Variants in MARK1 observed in about 807,000 individuals in gnomAD.
The protein encoded by MARK1 is serine/threonine-protein kinase MARK1.
MARK1 carries 40 observed loss-of-function variants against 96.3 expected under a neutral mutation model. The observed-to-expected ratio is 0.42, with a 90% confidence interval of 0.32 to 0.54. The LOEUF is 0.54. Among genes scored for constraint, MARK1 ranks in the 20% least tolerant of loss-of-function variants. The pLI is 0.16. For synonymous variants in MARK1, 317 were observed against 341.2 expected, an observed-to-expected ratio of 0.93 and a Z score of 0.78; for missense variants, 719 against 984.6, an observed-to-expected ratio of 0.73 and a Z score of 3.61.
intron 4 of MARK1, among the ~76,000 whole-genome samples, chr1:220,599,078 A>G (rs1042577355): frequency 2.0e-5 from 3 of 152,182 alleles, no homozygotes; most frequent in African/African-American, 4.8e-5. Context: ...GTTTGATCAT[A>G]GGTTTACAGG....
intron 1 of MARK1, among the ~76,000 whole-genome samples, chr1:220,553,704 C>T (rs1662038934): frequency 6.6e-6 from 1 of 152,130 alleles, no homozygotes; most frequent in Non-Finnish European, 1.5e-5. Flanking sequence ...TCAGTGTTTA[C>T]TAGAGTTCGG....
At chr1:220,634,483 A>G (rs1667840515) in intron 11 of MARK1, among the ~76,000 whole-genome samples, 2 of 152,220 alleles carry the variant, frequency 1.3e-5, no homozygotes, top group Non-Finnish European at 2.9e-5. Flanking sequence ...AATGAGGGCA[A>G]TAATGTGCTT....
At chr1:220,560,150 C>T (rs918224816) in intron 1 of MARK1, among the ~76,000 whole-genome samples, 11 of 152,092 alleles carry the variant, frequency 7.2e-5, no homozygotes, top group Non-Finnish European at 1.6e-4. Flanking sequence ...TATTCACTAC[C>T]ATGAGAACAG....
At chr1:220,627,428 G>A (rs543911037) in intron 9 of MARK1, 21 of 477,420 alleles carry the variant, frequency 4.4e-5, no homozygotes, top group African/African-American at 4.2e-4. Flanking sequence ...AGGGGTCAAG[G>A]AGGAGGTCAG....
chr1:220,568,490 G>A (rs1663216023), intron 1 of MARK1, among the ~76,000 whole-genome samples: 1 of 152,096 alleles, frequency 6.6e-6, no homozygotes, highest in Non-Finnish European at 1.5e-5. Flanking sequence ...AGGGCAGAAA[G>A]GTAATAGGGG....
intron 11 of MARK1, among the ~76,000 whole-genome samples, chr1:220,634,887 A>T (rs578095941): frequency 1.4e-4 from 21 of 152,174 alleles, no homozygotes; most frequent in Non-Finnish European, 2.6e-4. Context: ...GTATGTTTAT[A>T]TGCATACATA....
Position 220,542,559 on chromosome 1 carries a change from C to T in MARK1, c.51+13686C>T, listed in dbSNP as rs150327630. ...TGCTTCTGCTGGGAACCCCTACTGACGTGGGGCACTTTAGTCTCCTGTAGG... is the reference window on the plus strand; with the variant it reads ...TGCTTCTGCTGGGAACCCCTACTGATGTGGGGCACTTTAGTCTCCTGTAGG... On this transcript the variant is annotated intron_variant, in intron 1 of 17. Transcript: ENST00000366917. Among the ~76,000 whole-genome samples, 266 of 152,294 alleles carry T rather than the reference C, an allele frequency of 1.7e-3. 1 individual carries two copies. Among genetic ancestry groups the T allele is most frequent in the African/African-American group, 5.9e-3 (247 of 41,560 alleles).
At chr1:220,598,617 C>T (rs766428686) in intron 4 of MARK1, among the ~76,000 whole-genome samples, 4 of 151,692 alleles carry the variant, frequency 2.6e-5, no homozygotes, top group Admixed American at 6.6e-5. Flanking sequence ...CTTCTGCTCT[C>T]CACTAAAATA....
intron 15 of MARK1, 29 bp from the exon 16 acceptor site, chr1:220,653,072 G>T (rs780958098): frequency 6.2e-7 from 1 of 1,609,328 alleles, no homozygotes; most frequent in African/African-American, 1.3e-5. Context: ...TCATTATTCT[G>T]AATGATATAT....
At chr1:220,572,285 A>T (rs1015066573) in intron 1 of MARK1, among the ~76,000 whole-genome samples, 1 of 151,948 alleles carries the variant, frequency 6.6e-6, no homozygotes, top group Middle Eastern at 3.2e-3. Context: ...CTTTTTGCCC[A>T]GGCTGGAGTA....
chr1:220,642,261 G>A lies in MARK1; in HGVS notation c.1470+6235G>A, dbSNP rs113672568. ...CAAGTTCCCAGCGTTGGGGGCAACCGCCATTACTGCAGCTCTAGTCAGTGA... is the reference window on the plus strand; with the variant it reads ...CAAGTTCCCAGCGTTGGGGGCAACCACCATTACTGCAGCTCTAGTCAGTGA... On this transcript the variant is annotated intron_variant, in intron 13 of 17. Coordinates refer to ENST00000366917, the MANE Select transcript of MARK1 (RefSeq NM_018650.5). Among the ~76,000 whole-genome samples the A allele has an allele frequency of 2.3e-4, 35 of 152,306 alleles. 1 individual carries two copies. Among genetic ancestry groups the A allele is most frequent in the African/African-American group, 7.7e-4 (32 of 41,574 alleles).
chr1:220,597,494 CA>C (rs374126735), intron 3 of MARK1, among the ~76,000 whole-genome samples: 136 of 152,198 alleles, frequency 8.9e-4, no homozygotes, highest in African/African-American at 3.3e-3. Flanking sequence ...TAATAATGTT[CA>C]ACATCTTTTT....
chr1:220,597,304 C>T (rs1410295631), intron 3 of MARK1, among the ~76,000 whole-genome samples: 2 of 151,928 alleles, frequency 1.3e-5, no homozygotes, highest in East Asian at 3.9e-4. Flanking sequence ...TATTTTTTTT[C>T]ATGGAGGCTT....
rs181174582 is a variant in MARK1, at chr1:220,648,949, A to G, written c.1471-1671A>G. Among the ~76,000 whole-genome samples, 61 of 152,344 alleles carry G rather than the reference A, an allele frequency of 4.0e-4. 1 individual carries two copies. Among genetic ancestry groups the G allele is most frequent in the Admixed American group, 4.0e-3 (61 of 15,298 alleles). ...GTAGCTTCTAAGAGTAAAGTAGGAA[A>G]TAATTTAAGTGTTCAAAAATTAGGA... is the stretch of plus-strand genomic sequence containing the variant. On this transcript the variant is annotated intron_variant, in intron 13 of 17. Coordinates refer to ENST00000366917, the MANE Select transcript of MARK1 (RefSeq NM_018650.5).
intron 3 of MARK1, among the ~76,000 whole-genome samples, chr1:220,588,567 T>C (rs926312834): frequency 6.6e-6 from 1 of 152,186 alleles, no homozygotes; most frequent in Non-Finnish European, 1.5e-5. Context: ...TAGGAAGACC[T>C]TAAGAAGTTA....
At chr1:220,619,405 C>T (rs187070910) in intron 9 of MARK1, among the ~76,000 whole-genome samples, 8 of 152,212 alleles carry the variant, frequency 5.3e-5, no homozygotes, top group Middle Eastern at 3.4e-3. Flanking sequence ...ACTTGGGAGG[C>T]GGCGCTTGCA....
intron 14 of MARK1, 69 bp from the exon 15 acceptor site, chr1:220,651,917 T>G: frequency 7.5e-7 from 1 of 1,330,918 alleles, no homozygotes; most frequent in East Asian, 2.4e-5. Flanking sequence ...AATATAGTTC[T>G]TAAATTTTAG....
chr1:220,579,532 C>G lies in MARK1; in HGVS notation c.230C>G (p.Ala77Gly), dbSNP rs141221883. The G allele has an allele frequency of 1.5e-5, 25 of 1,613,806 alleles. No individual in the cohort carries two copies. In the Admixed American group the frequency reaches 3.3e-4, roughly 22 times the overall value. ...GKGNFAKVKL[A>G]RHVLTGREVA... ...GGAAATTTTGCCAAAGTCAAATTGGCAAGACACGTTCTAACTGGTAGAGAG... is the reference window on the plus strand; with the variant it reads ...GGAAATTTTGCCAAAGTCAAATTGGGAAGACACGTTCTAACTGGTAGAGAG... Residue 77 changes from alanine to glycine, a missense_variant, in exon 2 of 18, where the codon GCA becomes GGA. This residue lies in a region of MARK1 where 105 missense variants were observed against 133.4 expected (regional missense o/e 0.79). Coordinates refer to ENST00000366917, the MANE Select transcript of MARK1 (RefSeq NM_018650.5).
intron 13 of MARK1, among the ~76,000 whole-genome samples, chr1:220,637,631 A>T (rs12065752): frequency 0.072 from 10,883 of 152,180 alleles, 1,194 homozygotes; most frequent in African/African-American, 0.24. Context: ...GTGAGCCAAG[A>T]TCATGCCATT....
Sources: allele counts gnomAD v4.1 joint callset (sites outside exome capture counted in the v4.1 genomes callset), GRCh38; gene constraint gnomAD v4.1.1; regional missense constraint gnomAD v4.1.1; transcripts MANE v1.5; gene names NCBI Gene and HGNC (gene_info 2026-07-23, HGNC 2026-07-21).